The following GPAT3 variants were observed in gnomAD, a reference collection of about 807,000 sequenced individuals.
GPAT3 encodes 1-AGP acyltransferase 9.
GPAT3 carries 53 observed loss-of-function variants against 58.8 expected under a neutral mutation model. That is an observed-to-expected ratio of 0.90 (90% CI 0.72 to 1.13). The LOEUF is 1.13. Ranked by LOEUF, GPAT3 falls within the 50% of genes most tolerant of loss-of-function variation. The pLI, the probability that GPAT3 is intolerant of heterozygous loss-of-function variation, is 0.00. For missense variants in GPAT3, 511 were observed against 527.6 expected (o/e 0.97, Z 0.31); for synonymous variants, 197 against 187.4 (o/e 1.05, Z -0.42).
intron 6 of GPAT3, among the ~76,000 whole-genome samples, chr4:83,591,353 A>G (rs1388837055): frequency 6.6e-6 from 1 of 152,212 alleles, no homozygotes; most frequent in Non-Finnish European, 1.5e-5. Flanking sequence ...TCTAAAATAC[A>G]TGGCCAGATA....
In GPAT3 at chr4:83,596,820, TTA is replaced by T. The variant is rs769912885; in HGVS notation, c.855-35_855-34del. Reference sequence around the variant, plus strand: ...TCAAAAAGGACATCCACCTCTCTCTTTATAAAGGCAGAATTTTGATCCTTTTT... The same window carrying T: ...TCAAAAAGGACATCCACCTCTCTCTTTAAAGGCAGAATTTTGATCCTTTTT... On this transcript the variant is annotated intron_variant, in intron 7 of 11. Coordinates refer to ENST00000264409, the MANE Select transcript of GPAT3 (RefSeq NM_032717.5). The T allele has an allele frequency of 1.5e-5, 24 of 1,551,936 alleles. No homozygotes were observed. The Admixed American group carries it at 3.9e-4, about 25-fold the overall frequency.
chr4:83,604,550 C>T (rs1727185563), intron 11 of GPAT3, 118 bp from the exon 12 acceptor site: 1 of 711,394 alleles, frequency 1.4e-6, no homozygotes, highest in South Asian at 2.5e-5. Context: ...GTGTTCTTTC[C>T]CTTATTTCAT....
rs369889638 is a variant in GPAT3 at position 83,562,214 on chromosome 4, T to TATATATATAATATATATATA, written c.208+17621_208+17622insATATATATATAATATATATA. ...ATATATATATAATATATATATATTA[T>TATATATATAATATATATATA]ATATATATATAATATATATATAATA... On this transcript the variant is annotated intron_variant, in intron 2 of 11. Transcript: ENST00000264409. 7.4e-4 allele frequency among the ~76,000 whole-genome samples: 57 copies of TATATATATAATATATATATA among 77,112 alleles called. 1 individual carries two copies. Among genetic ancestry groups the TATATATATAATATATATATA allele is most frequent in the East Asian group, 2.7e-3 (7 of 2,640 alleles). 50.6% of individuals were successfully genotyped at this position (77,112 alleles called of 152,430 possible).
At chr4:83,597,157 T>C (rs1031504078) in intron 8 of GPAT3, among the ~76,000 whole-genome samples, 5 of 152,156 alleles carry the variant, frequency 3.3e-5, no homozygotes, top group Non-Finnish European at 7.4e-5. Context: ...TCCGTGACTT[T>C]AAGGGTTGCA....
intron 2 of GPAT3, among the ~76,000 whole-genome samples, chr4:83,549,919 C>T (rs1724690864): frequency 6.6e-6 from 1 of 151,690 alleles, no homozygotes; most frequent in Non-Finnish European, 1.5e-5. Context: ...GATGGGGTTT[C>T]ACCATGTTGG....
rs1578152818 is a variant in GPAT3, at chr4:83,536,467, T to G, written c.-156T>G. On this transcript the variant is annotated 5_prime_UTR_variant, in exon 1 of 12. In the 5' UTR this introduces an upstream ATG that the reference lacks. Coordinates refer to ENST00000264409, the MANE Select transcript of GPAT3 (RefSeq NM_032717.5). The stretch of plus-strand genomic sequence containing the variant: ...GAGGAAGGAAGGATATTGCCGTAAT[T>G]CTGAAAGTTTTTTTCCTTCCTCTCT... 1 of 1,449,760 alleles carries G rather than the reference T, an allele frequency of 6.9e-7. No homozygotes were observed. Among genetic ancestry groups the G allele is most frequent in the East Asian group, 2.4e-5 (1 of 41,156 alleles). The allele number at this position is 1,449,760 out of a possible 1,614,324, so 89.8% of individuals were successfully genotyped here.
intron 2 of GPAT3, among the ~76,000 whole-genome samples, chr4:83,553,445 A>AAGT (rs1258513610): frequency 7.9e-5 from 12 of 152,184 alleles, no homozygotes; most frequent in African/African-American, 2.9e-4. Context: ...AAAAAAATGT[A>AAGT]ACTAAGCAGT....
intron 2 of GPAT3, among the ~76,000 whole-genome samples, chr4:83,551,245 A>G (rs2110075961): frequency 6.6e-6 from 1 of 152,340 alleles, no homozygotes; most frequent in African/African-American, 2.4e-5. Flanking sequence ...AATTAACTGG[A>G]CTTACATGGA....
chr4:83,544,241 C>G (rs144424899), intron 1 of GPAT3, among the ~76,000 whole-genome samples: 1 of 152,180 alleles, frequency 6.6e-6, no homozygotes, highest in African/African-American at 2.4e-5. Context: ...CTCATGCCCC[C>G]CATGCTTCAC....
rs188376295 is a variant in GPAT3 at position 83,581,954 on chromosome 4, C to G, written c.479+122C>G. The G allele has an allele frequency of 8.3e-6, 11 of 1,321,982 alleles. No homozygotes were observed. The South Asian group carries it at 1.5e-4, about 18-fold the overall frequency. The allele number at this position is 1,321,982 out of a possible 1,614,324, so 81.9% of individuals were successfully genotyped here. A position where few individuals can be genotyped will look rare whatever the true frequency, so the allele number is the denominator to read the frequency against. ...TCCACCCATTCCCACGTAGGAAATGCCACCAAACATGACCTCTAAAGGAAT... is the reference window on the plus strand; with the variant it reads ...TCCACCCATTCCCACGTAGGAAATGGCACCAAACATGACCTCTAAAGGAAT... On this transcript the variant is annotated intron_variant, in intron 3 of 11. Coordinates refer to ENST00000264409, the MANE Select transcript of GPAT3 (RefSeq NM_032717.5).
At chr4:83,593,314 A>T (rs1726681039) in intron 6 of GPAT3, among the ~76,000 whole-genome samples, 1 of 151,150 alleles carries the variant, frequency 6.6e-6, no homozygotes, top group South Asian at 2.1e-4. Flanking sequence ...ACAGGTGACC[A>T]TCACCACACC....
chr4:83,590,377 G>A (rs1425617523), intron 6 of GPAT3, 85 bp downstream of exon 6: 2 of 1,331,664 alleles, frequency 1.5e-6, no homozygotes, highest in Non-Finnish European at 2.1e-6. Flanking sequence ...TTAGCAAGTT[G>A]GTTTTATGTT....
chr4:83,603,790 CAAAA>C (rs58399873), intron 11 of GPAT3, among the ~76,000 whole-genome samples: 6 of 120,654 alleles, frequency 5.0e-5, no homozygotes, highest in Admixed American at 8.1e-5. Flanking sequence ...AACTCTGTCT[CAAAA>C]AAAAAAAAAA....
chr4:83,592,950 T>C (rs1726659355), intron 6 of GPAT3, among the ~76,000 whole-genome samples: 1 of 151,954 alleles, frequency 6.6e-6, no homozygotes. Context: ...CACTGCAACC[T>C]CCGCCTCCCA....
chr4:83,547,271 G>A (rs1351586263), intron 2 of GPAT3, among the ~76,000 whole-genome samples: 1 of 25,480 alleles, frequency 3.9e-5, no homozygotes, highest in African/African-American at 1.1e-4. Flanking sequence ...TTTTTTTTTT[G>A]AGATGGAGTC....
chr4:83,598,840 T>TCGGC, intron 11 of GPAT3, 117 bp downstream of exon 11: 4 of 719,682 alleles, frequency 5.6e-6, no homozygotes, highest in Non-Finnish European at 8.9e-6. Context: ...ATGATCATAG[T>TCGGC]TCACTGTAGC....
chr4:83,548,517 A>G (rs771297244), intron 2 of GPAT3, among the ~76,000 whole-genome samples: 2 of 152,048 alleles, frequency 1.3e-5, no homozygotes, highest in Non-Finnish European at 2.9e-5. Context: ...GACATTTTAA[A>G]TGATTACCAT....
chr4:83,550,076 C>G (rs1196692388), intron 2 of GPAT3, among the ~76,000 whole-genome samples: 1 of 152,040 alleles, frequency 6.6e-6, no homozygotes, highest in African/African-American at 2.4e-5. Flanking sequence ...CCAGGATGGT[C>G]TTGAACTCCT....
rs1282295688 is a variant in GPAT3 at position 83,581,819 on chromosome 4, C to CG, written c.466_467insG (p.Leu156ArgfsTer37). 2 of 1,609,446 alleles carry CG rather than the reference C, an allele frequency of 1.2e-6. No individual in the cohort carries two copies. Among genetic ancestry groups the CG allele is most frequent in the Non-Finnish European group, 1.7e-6 (2 of 1,176,654 alleles). ...GGGCGTCATAGTGCGCTATTGTGTC[C>CG]TACTGCCTCTGAGGTAAGTCATATG... On this transcript the variant is annotated frameshift_variant, in exon 3 of 12. Coordinates refer to ENST00000264409, the MANE Select transcript of GPAT3 (RefSeq NM_032717.5). LOFTEE classifies it high-confidence loss of function.
Sources: gnomAD v4.1 joint callset for allele counts (sites outside exome capture counted in the v4.1 genomes callset) on GRCh38, gnomAD v4.1.1 for gene constraint, MANE v1.5 for transcripts, NCBI Gene and HGNC (gene_info 2026-07-23, HGNC 2026-07-21) for gene names.